CHIA: variants seen among roughly 807,000 people sequenced by gnomAD.
CHIA encodes the protein chitinase acidic, also known as acidic mammalian chitinase.
CHIA carries 47 observed loss-of-function variants against 53.5 expected under a neutral mutation model. The ratio of observed to expected loss-of-function variants is 0.88; its 90% CI spans 0.70 to 1.12. CHIA has a LOEUF of 1.12. Among genes scored for constraint, CHIA ranks in the 50% most tolerant of loss-of-function variants. The pLI, the probability that CHIA is intolerant of heterozygous loss-of-function variation, is 0.00. For missense variants in CHIA, 652 were observed against 592.2 expected (o/e 1.10, Z -1.05); for synonymous variants, 268 against 222.2 (o/e 1.21, Z -1.83).
At chr1:111,310,013 A>G (rs965569703) in intron 1 of CHIA, among the ~76,000 whole-genome samples, 2 of 152,242 alleles carry the variant, frequency 1.3e-5, no homozygotes, top group African/African-American at 4.8e-5. Context: ...TACAAATTAC[A>G]TATGAATAAT....
intron 6 of CHIA, chr1:111,315,903 TAAATATAAGAATAAGA>T (rs371155945): frequency 0.54 from 240,217 of 447,636 alleles, 66,680 homozygotes; most frequent in South Asian, 0.64. Context: ...ATTGTCAGGC[TAAATATAAGAATAAGA>T]CACTATCCTT....
At position 111,318,022 on chromosome 1, in the gene CHIA, C is replaced by G; in HGVS notation, c.642C>G (p.Leu214=). The change falls in exon 8 of 12, where the codon CTC becomes CTG. Residue 214 remains leucine (L), a synonymous_variant. Coordinates refer to ENST00000369740, the MANE Select transcript of CHIA (RefSeq NM_201653.4). ...LDYIHVMTYD[L]HGSWEGYTGE... ...ACATCCATGTCATGACCTACGACCT[C>G]CATGGCTCCTGGGAGGGCTACACTG... 1 of 1,614,178 alleles carries G rather than the reference C, an allele frequency of 6.2e-7. No homozygotes were observed. The highest frequency in any genetic ancestry group is 1.3e-5 in the African/African-American group (1 of 75,036).
In CHIA at chr1:111,318,654, G is replaced by T. The variant is rs201390788; in HGVS notation, c.891G>T (p.Glu297Asp). ...GTCCTGCTGGGCCCTATGCCAAGGA[G>T]TCTGGGATCTGGGCTTACTACGAGG... ...GAGPAGPYAKESGIWAYYEIC... is the reference protein window; with the variant it reads ...GAGPAGPYAKDSGIWAYYEIC... Residue 297 changes from glutamate (E) to aspartate (D), a missense_variant, in exon 9 of 12, where the codon GAG becomes GAT. Physicochemically the swap from Glu to Asp is conservative, Grantham distance 45 (BLOSUM62 2). Transcript: ENST00000369740. 6.2e-7 allele frequency: 1 copy of T among 1,614,064 alleles called. No individual in the cohort carries two copies. Among genetic ancestry groups the T allele is most frequent in the Admixed American group, 1.7e-5 (1 of 60,014 alleles).
intron 5 of CHIA, chr1:111,314,966 T>C (rs1225733974): frequency 5.0e-6 from 2 of 400,496 alleles, no homozygotes; most frequent in Non-Finnish European, 9.0e-6. Flanking sequence ...CAAGAGGACT[T>C]CTTGGAGGGT....
intron 1 of CHIA, among the ~76,000 whole-genome samples, chr1:111,293,183 G>A (rs1046138562): frequency 1.9e-4 from 29 of 152,022 alleles, no homozygotes; most frequent in Non-Finnish European, 2.8e-4. Flanking sequence ...CAGCTGTACC[G>A]TTTTACATTC....
At chr1:111,314,728 A>C in intron 5 of CHIA, 132 bp downstream of exon 5, 1 of 604,132 alleles carries the variant, frequency 1.7e-6, no homozygotes, top group Non-Finnish European at 3.0e-6. Context: ...TATATGAATT[A>C]AATATATTGC....
chr1:111,297,357 T>C (rs762541352), intron 1 of CHIA, among the ~76,000 whole-genome samples: 1 of 152,180 alleles, frequency 6.6e-6, no homozygotes, highest in Admixed American at 6.5e-5. Context: ...GGAAAACCCA[T>C]TGGACTAACA....
intron 11 of CHIA, 147 bp downstream of exon 11, chr1:111,319,615 T>C (rs1263322651): frequency 1.3e-6 from 1 of 769,680 alleles, no homozygotes; most frequent in Non-Finnish European, 2.1e-6. Flanking sequence ...AGACAGGTTT[T>C]ACCCTTGAAC....
rs763851350 is a variant in CHIA at position 111,320,434 on chromosome 1, G to A, written c.1399G>A (p.Asp467Asn). 20 of 1,614,114 alleles carry A rather than the reference G, an allele frequency of 1.2e-5. No individual in the cohort carries two copies. The highest frequency in any genetic ancestry group is 2.2e-5 in the South Asian group (2 of 91,076). The change falls in exon 12 of 12, where the codon GAC (aspartate) becomes AAC (asparagine). Residue 467 changes from aspartate to asparagine, a missense_variant. Transcript: ENST00000369740. ...GAACTGCCAGGCCGGGCTTGTCTTC[G>A]ACACCAGCTGTGATTGCTGCAACTG... Reference protein sequence around the residue: ...QQNCQAGLVFDTSCDCCNWA With the variant: ...QQNCQAGLVFNTSCDCCNWA
chr1:111,320,128 C>T (rs918404904), intron 11 of CHIA, 85 bp from the exon 12 acceptor site: 11 of 1,276,974 alleles, frequency 8.6e-6, no homozygotes, highest in Non-Finnish European at 3.3e-6. Flanking sequence ...TCCACACTTC[C>T]ACTCCCACAG....
In CHIA at chr1:111,305,846, C is replaced by CA. The variant is rs142430881; in HGVS notation, c.-68-4548dup. ...CATTATTCTCAGATGACATAGAAAC[C>CA]AAAAAATGCGTAGAAAAGTATTTAA... On this transcript the variant is annotated intron_variant, in intron 1 of 11. Coordinates refer to ENST00000369740, the MANE Select transcript of CHIA (RefSeq NM_201653.4). Among the ~76,000 whole-genome samples, 1,161 of 151,960 alleles carry CA rather than the reference C, an allele frequency of 7.6e-3. 13 individuals carry two copies. The highest frequency in any genetic ancestry group is 0.023 in the African/African-American group (972 of 41,444).
chr1:111,300,153 T>A (rs1228098155), intron 1 of CHIA, among the ~76,000 whole-genome samples: 1 of 152,128 alleles, frequency 6.6e-6, no homozygotes, highest in Non-Finnish European at 1.5e-5. Flanking sequence ...ATGGCCATAC[T>A]ACCCAAGGTA....
intron 1 of CHIA, among the ~76,000 whole-genome samples, chr1:111,309,864 T>G (rs6537694): frequency 0.98 from 149,676 of 152,260 alleles, 73,630 homozygotes; most frequent in East Asian, 1. Flanking sequence ...GTGACCTTTA[T>G]AGGGGACATT....
At chr1:111,311,762 G>A (rs757529795) in intron 3 of CHIA, 44 bp downstream of exon 3, 20 of 1,590,368 alleles carry the variant, frequency 1.3e-5, no homozygotes, top group Admixed American at 1.0e-4. Context: ...GTATATATAC[G>A]AGATAAACCA....
At chr1:111,304,766 G>A (rs750918361) in intron 1 of CHIA, among the ~76,000 whole-genome samples, 25 of 151,344 alleles carry the variant, frequency 1.7e-4, no homozygotes, top group Admixed American at 5.3e-4. Context: ...TATTTTTTTC[G>A]TTTGAATGAG....
chr1:111,319,819 C>T (rs1046076368), intron 11 of CHIA, among the ~76,000 whole-genome samples: 2 of 152,220 alleles, frequency 1.3e-5, no homozygotes, highest in Non-Finnish European at 2.9e-5. Flanking sequence ...AAACCCTCAC[C>T]AATGCTCACA....
chr1:111,292,534 G>C (rs766424722), intron 1 of CHIA, among the ~76,000 whole-genome samples: 17 of 152,160 alleles, frequency 1.1e-4, no homozygotes, highest in Non-Finnish European at 1.9e-4. Flanking sequence ...GCATGGGCCA[G>C]TCTCCGTTAT....
At chr1:111,315,565 TTA>T (rs1649090662) in intron 6 of CHIA, 130 bp downstream of exon 6, 11 of 958,720 alleles carry the variant, frequency 1.1e-5, no homozygotes, top group Non-Finnish European at 1.7e-5. Flanking sequence ...GCAAAGAGTC[TTA>T]TATATCGTGC....
chr1:111,310,832 G>A (rs1298521739), intron 2 of CHIA, among the ~76,000 whole-genome samples: 1 of 151,994 alleles, frequency 6.6e-6, no homozygotes, highest in Non-Finnish European at 1.5e-5. Context: ...ATTTTAATTG[G>A]AATAATGTTT....
Sources: allele counts gnomAD v4.1 joint callset (sites outside exome capture counted in the v4.1 genomes callset), GRCh38; gene constraint gnomAD v4.1.1; transcripts MANE v1.5; gene names NCBI Gene and HGNC (gene_info 2026-07-23, HGNC 2026-07-21).